Variants in HEPH observed in about 807,000 individuals in gnomAD.
The protein encoded by HEPH is hephaestin.
HEPH carries 69 observed loss-of-function variants against 80.8 expected under a neutral mutation model. That is an observed-to-expected ratio of 0.85 (90% CI 0.70 to 1.04). HEPH has a LOEUF of 1.04. Among genes scored for constraint, HEPH ranks in the 50% least tolerant of loss-of-function variants. The pLI is 0.00. For synonymous variants in HEPH, 431 were observed against 322.8 expected, an observed-to-expected ratio of 1.34 and a Z score of -3.60; for missense variants, 1,115 against 891.3, an observed-to-expected ratio of 1.25 and a Z score of -3.20.
In HEPH at chrX:66,188,500, A is replaced by G. The variant is rs371048383; in HGVS notation, c.767A>G (p.Asp256Gly). 1.4e-5 allele frequency: 17 copies of G among 1,209,021 alleles called. No individual in the cohort carries two copies. Among genetic ancestry groups the G allele is most frequent in the Non-Finnish European group, 1.8e-5 (16 of 894,856 alleles). Residue 256 changes from aspartate to glycine, a missense_variant, in exon 5 of 21, where the codon GAC (aspartate) becomes GGC (glycine). Coordinates refer to ENST00000343002, the MANE Select transcript of HEPH (RefSeq NM_001367233.3). ...TACTGCTCAGATCCTGCTTCAGTGG[A>G]CAAAGAAGATGAGACATTTCAGGAG... ...ATYCSDPASV[D>G]KEDETFQESN...
At chrX:66,177,818 G>T (rs2086879233) in intron 4 of HEPH, among the ~76,000 whole-genome samples, 1 of 110,852 alleles carries the variant, frequency 9.0e-6, no homozygotes, top group Non-Finnish European at 1.9e-5. Flanking sequence ...TAGAATGTCA[G>T]TTTGCACTCT....
chrX:66,196,638 C>T (rs2088118416), intron 9 of HEPH, among the ~76,000 whole-genome samples: 1 of 111,660 alleles, frequency 9.0e-6, no homozygotes, highest in African/African-American at 3.3e-5. Flanking sequence ...GATTTGCAGT[C>T]CTATCAGTTT....
At chrX:66,248,033 A>C (rs963156366) in intron 15 of HEPH, among the ~76,000 whole-genome samples, 2 of 110,993 alleles carry the variant, frequency 1.8e-5, no homozygotes, top group Non-Finnish European at 3.8e-5. Flanking sequence ...CTCTCATTAA[A>C]TATTAATTCC....
At chrX:66,229,925 C>T (rs1344731818) in intron 15 of HEPH, among the ~76,000 whole-genome samples, 3 of 73,436 alleles carry the variant, frequency 4.1e-5, no homozygotes, top group Admixed American at 3.4e-4. Flanking sequence ...TCCCTCCCCC[C>T]TCCCCCCACC....
At chrX:66,200,373 C>A (rs1180464587) in intron 11 of HEPH, 167 bp from the exon 12 acceptor site, 2 of 443,434 alleles carry the variant, frequency 4.5e-6, no homozygotes, top group African/African-American at 5.0e-5. Context: ...CAGAGATATT[C>A]ACGAGTAGAG....
intron 15 of HEPH, among the ~76,000 whole-genome samples, chrX:66,239,679 G>A (rs1363553294): frequency 7.2e-5 from 8 of 111,426 alleles, no homozygotes; most frequent in African/African-American, 2.6e-4. Context: ...GCATGGCCTG[G>A]CCAAATCCTA....
chrX:66,256,352 C>A (rs767811614), intron 17 of HEPH, 22 bp downstream of exon 17: 2 of 1,109,468 alleles, frequency 1.8e-6, no homozygotes, highest in South Asian at 1.9e-5. Flanking sequence ...AAAACCTACT[C>A]TTGTTCCAAA....
chrX:66,193,502 T>C lies in HEPH; in HGVS notation c.1233T>C (p.Ser411=). The change falls in exon 8 of 21, where the codon AGT becomes AGC. Residue 411 remains serine (S), a splice_region_variant and synonymous_variant. Coordinates refer to ENST00000343002, the MANE Select transcript of HEPH (RefSeq NM_001367233.3). Reference sequence around the variant, plus strand: ...TCATATTTTCCTTTTTATACATCAGTATCTCAGATAAGTTTTTCCAGAAGA... The same window carrying C: ...TCATATTTTCCTTTTTATACATCAGCATCTCAGATAAGTTTTTCCAGAAGA... ...STGKNLREPG[S]ISDKFFQKSS... 1 of 1,170,037 alleles carries C rather than the reference T, an allele frequency of 8.5e-7. No homozygotes were observed. The highest frequency in any genetic ancestry group is 3.0e-5 in the East Asian group (1 of 33,340).
intron 15 of HEPH, among the ~76,000 whole-genome samples, chrX:66,227,463 T>G (rs1470068482): frequency 6.3e-5 from 7 of 111,388 alleles, no homozygotes; most frequent in Non-Finnish European, 1.3e-4. Flanking sequence ...GCATCCAAAT[T>G]GGTAAAGAGG....
rs773711587 is a variant in HEPH, at chrX:66,208,244, C to T, written c.2561C>T (p.Pro854Leu). ...STTVWPLAAE[P>L]GEVVTYQWNI... is the part of the protein sequence containing the mutation. Reference sequence around the variant, plus strand: ...ACTGTCTGGCCACTGGCTGCTGAGCCTGGTGAGTGGGGACACTTAGTGAAA... The same window carrying T: ...ACTGTCTGGCCACTGGCTGCTGAGCTTGGTGAGTGGGGACACTTAGTGAAA... The change falls in exon 15 of 21, where the codon CCT becomes CTT. Residue 854 changes from proline to leucine, a missense_variant and splice_region_variant. Physicochemically the swap from Pro to Leu is moderately conservative, Grantham distance 98 (BLOSUM62 -3). Coordinates refer to ENST00000343002, the MANE Select transcript of HEPH (RefSeq NM_001367233.3). 8.3e-7 allele frequency: 1 copy of T among 1,206,882 alleles called. No homozygotes were observed. The highest frequency in any genetic ancestry group is 1.1e-6 in the Non-Finnish European group (1 of 892,985).
chrX:66,188,643 T>C, intron 5 of HEPH, 102 bp downstream of exon 5: 1 of 686,905 alleles, frequency 1.5e-6, no homozygotes, highest in Non-Finnish European at 2.2e-6. Flanking sequence ...TAGTCCTTTT[T>C]AGTCATCACG....
intron 15 of HEPH, among the ~76,000 whole-genome samples, chrX:66,232,627 A>T (rs2090196416): frequency 9.0e-6 from 1 of 111,128 alleles, no homozygotes; most frequent in African/African-American, 3.3e-5. Flanking sequence ...ATAACATCTT[A>T]TTTTTACGAA....
At chrX:66,245,628 A>G (rs1213189762) in intron 15 of HEPH, among the ~76,000 whole-genome samples, 1 of 111,526 alleles carries the variant, frequency 9.0e-6, no homozygotes, top group African/African-American at 3.3e-5. Flanking sequence ...CACCAAGTGG[A>G]CCTAATAGAC....
upstream of HEPH, among the ~76,000 whole-genome samples, chrX:66,163,669 A>C (rs1028801040): frequency 9.0e-6 from 1 of 111,151 alleles, no homozygotes; most frequent in Non-Finnish European, 1.9e-5. Flanking sequence ...TGGTGGTTTC[A>C]TGGTTAAAAG....
intron 12 of HEPH, among the ~76,000 whole-genome samples, chrX:66,202,400 T>G (rs981753487): frequency 8.9e-6 from 1 of 111,849 alleles, no homozygotes; most frequent in African/African-American, 3.3e-5. Context: ...GGATAAGCAC[T>G]GAGCAGCAAA....
chrX:66,239,886 T>C (rs930525227), intron 15 of HEPH, among the ~76,000 whole-genome samples: 2 of 111,889 alleles, frequency 1.8e-5, no homozygotes, highest in Non-Finnish European at 3.8e-5. Context: ...TGTCAAGCCC[T>C]TCTCCCACCT....
chrX:66,227,516 T>C (rs1054302197), intron 15 of HEPH, among the ~76,000 whole-genome samples: 2 of 111,752 alleles, frequency 1.8e-5, no homozygotes, highest in African/African-American at 6.5e-5. Flanking sequence ...ATTGTATACC[T>C]ACAAAACCCT....
chrX:66,198,951 A>G lies in HEPH; in HGVS notation c.1787A>G (p.Asn596Ser), dbSNP rs770442966. ...DENKSWYSNA[N>S]QAAAMLDFRL... ...AACAAGAGCTGGTACAGCAATGCCA[A>G]TCAAGCAGCTGCTATGTTGGATTTC... The change falls in exon 11 of 21, where the codon AAT becomes AGT. Residue 596 changes from asparagine (N) to serine (S), a missense_variant. Asn to Ser is a conservative substitution (Grantham distance 46, BLOSUM62 1). Transcript: ENST00000343002. 2 of 1,207,875 alleles carry G rather than the reference A, an allele frequency of 1.7e-6. No homozygotes were observed. The highest frequency in any genetic ancestry group is 1.7e-5 in the African/African-American group (1 of 57,785).
At chrX:66,164,012 A>C (rs149971979), upstream of HEPH, among the ~76,000 whole-genome samples, 862 of 111,861 alleles carry the variant, frequency 7.7e-3, 13 homozygotes, top group African/African-American at 0.026. Context: ...AGGCTCTTTC[A>C]ATTTCTACCT....
Sources: allele counts gnomAD v4.1 joint callset (sites outside exome capture counted in the v4.1 genomes callset), GRCh38; gene constraint gnomAD v4.1.1; transcripts MANE v1.5; gene names NCBI Gene and HGNC (gene_info 2026-07-23, HGNC 2026-07-21).